FUBP1: variants seen among roughly 807,000 people sequenced by gnomAD.
The protein encoded by FUBP1 is far upstream element-binding protein 1.
In FUBP1, 16 loss-of-function variants were observed where a neutral mutation model predicts 94.9. The observed-to-expected ratio is 0.17, with a 90% CI of 0.11 to 0.26. The LOEUF is 0.26. FUBP1 is among the 10% of genes least tolerant of loss of function. FUBP1 has a pLI of 1.00. For synonymous variants in FUBP1, 279 were observed against 254.9 expected, an observed-to-expected ratio of 1.09 and a Z score of -0.90; for missense variants, 583 against 808.6, an observed-to-expected ratio of 0.72 and a Z score of 3.38.
chr1:77,976,976 C>T (rs1658719158), intron 1 of FUBP1, among the ~76,000 whole-genome samples: 1 of 152,186 alleles, frequency 6.6e-6, no homozygotes, highest in Non-Finnish European at 1.5e-5. Flanking sequence ...TCTTCACTGG[C>T]CAAACTCTCT....
At chr1:77,962,354 C>CT (rs1042551199) in intron 14 of FUBP1, among the ~76,000 whole-genome samples, 3 of 152,104 alleles carry the variant, frequency 2.0e-5, no homozygotes, top group African/African-American at 7.2e-5. Context: ...AGTCCAAAAC[C>CT]TAGGATTTAT....
In FUBP1 at chr1:77,964,244, A is replaced by G; in HGVS notation, c.940+10T>C. 6.4e-7 allele frequency: 1 copy of G among 1,571,830 alleles called. No homozygotes were observed. Among genetic ancestry groups the G allele is most frequent in the Non-Finnish European group, 8.8e-7 (1 of 1,142,070 alleles). On this transcript the variant is annotated intron_variant, in intron 11 of 19. Coordinates refer to ENST00000370768, the MANE Select transcript of FUBP1 (RefSeq NM_003902.5). ...CTGCCAACACTTACAAGATTATTAT[A>G]TGTACTCACCTGGCTTAAACTGAAT... is the stretch of plus-strand genomic sequence containing the variant.
rs1652600396 is a variant in FUBP1, at chr1:77,948,268, G to A, written c.*498C>T. ...CCAATCTACCACTATACTGCAAGGG[G>A]GGAAAAACATGCCAGTGTTTAAAAA... On this transcript the variant is annotated 3_prime_UTR_variant, in exon 20 of 20. Coordinates refer to ENST00000370768, the MANE Select transcript of FUBP1 (RefSeq NM_003902.5). 9.5e-7 allele frequency: 1 copy of A among 1,055,878 alleles called. No individual in the cohort carries two copies. Among genetic ancestry groups the A allele is most frequent in the East Asian group, 5.3e-5 (1 of 18,868 alleles). The allele number at this position is 1,055,878 out of a possible 1,614,324, so 65.4% of individuals were successfully genotyped here.
intron 14 of FUBP1, among the ~76,000 whole-genome samples, chr1:77,962,509 T>C (rs6689438): frequency 0.048 from 7,381 of 152,216 alleles, 399 homozygotes; most frequent in African/African-American, 0.14. Context: ...AACACTAATA[T>C]CATGCCTACA....
intron 1 of FUBP1, among the ~76,000 whole-genome samples, chr1:77,972,883 T>C (rs1400614449): frequency 6.6e-6 from 1 of 150,998 alleles, no homozygotes; most frequent in African/African-American, 2.4e-5. Context: ...TAGAGAAAAG[T>C]GTTTAATAAA....
rs200330246 is a variant in FUBP1, at chr1:77,964,376, G to A, written c.838-20C>T. On this transcript the variant is annotated intron_variant, in intron 10 of 19. Coordinates refer to ENST00000370768, the MANE Select transcript of FUBP1 (RefSeq NM_003902.5). ...GGGGACCTTATGTAAAAAAGACTAAGTATTAAGAAAGCTAGCTTCTCAGGG... is the reference window on the plus strand; with the variant it reads ...GGGGACCTTATGTAAAAAAGACTAAATATTAAGAAAGCTAGCTTCTCAGGG... The A allele has an allele frequency of 7.9e-5, 112 of 1,423,034 alleles. No homozygotes were observed. The highest frequency in any genetic ancestry group is 7.6e-4 in the Admixed American group (44 of 58,026). The allele number at this position is 1,423,034 out of a possible 1,614,324, so 88.2% of individuals were successfully genotyped here.
chr1:77,970,159 T>A, intron 1 of FUBP1, 144 bp from the exon 2 acceptor site: 1 of 448,302 alleles, frequency 2.2e-6, no homozygotes, highest in African/African-American at 2.0e-5. Flanking sequence ...AAATTATAGT[T>A]CAATTTATTG....
intron 4 of FUBP1, 29 bp from the exon 5 acceptor site, chr1:77,967,130 C>A: frequency 7.1e-7 from 1 of 1,405,200 alleles, no homozygotes; most frequent in South Asian, 1.3e-5. Flanking sequence ...CACCATTTTC[C>A]TTCAATGAAA....
chr1:77,968,096 A>G, intron 3 of FUBP1, 69 bp downstream of exon 3: 1 of 1,001,820 alleles, frequency 1.0e-6, no homozygotes, highest in Non-Finnish European at 1.5e-6. Flanking sequence ...GATACCCAAT[A>G]ATATGAACAA....
At chr1:77,949,648 T>C (rs576183712) in intron 18 of FUBP1, among the ~76,000 whole-genome samples, 14 of 152,124 alleles carry the variant, frequency 9.2e-5, no homozygotes, top group Admixed American at 4.6e-4. Context: ...TAGAGCGTCA[T>C]TATTAGTAAA....
chr1:77,970,184 TC>T (rs758931731), intron 1 of FUBP1, among the ~76,000 whole-genome samples, 169 bp from the exon 2 acceptor site: 17 of 152,316 alleles, frequency 1.1e-4, no homozygotes, highest in Non-Finnish European at 2.5e-4. Context: ...CATTAATACT[TC>T]AGGCAGTTAA....
Position 77,965,056 on chromosome 1 carries a change from A to G in FUBP1, c.636+13T>C, listed in dbSNP as rs371481026. The G allele has an allele frequency of 4.2e-5, 67 of 1,609,092 alleles. No individual in the cohort carries two copies. Among genetic ancestry groups the G allele is most frequent in the Non-Finnish European group, 8.5e-6 (10 of 1,176,020 alleles). ...ACAGATCAAAAGTAGCCATTTCACAAAAATAACAATACCTGAAGCTGTTTA... is the reference window on the plus strand; with the variant it reads ...ACAGATCAAAAGTAGCCATTTCACAGAAATAACAATACCTGAAGCTGTTTA... On this transcript the variant is annotated intron_variant, in intron 8 of 19. Transcript: ENST00000370768.
rs1652379935 is a variant in FUBP1 at position 77,947,342 on chromosome 1, A to G, written c.*1424T>C. 1 of 418,824 alleles carries G rather than the reference A, an allele frequency of 2.4e-6. No homozygotes were observed. Among genetic ancestry groups the G allele is most frequent in the Non-Finnish European group, 4.7e-6 (1 of 213,566 alleles). The allele number at this position is 418,824 out of a possible 1,614,324, so 25.9% of individuals were successfully genotyped here. A position where few individuals can be genotyped will look rare whatever the true frequency, so the allele number is the denominator to read the frequency against. On this transcript the variant is annotated 3_prime_UTR_variant, in exon 20 of 20. Coordinates refer to ENST00000370768, the MANE Select transcript of FUBP1 (RefSeq NM_003902.5). ...GGCAGTTATGGTTTTCCAAGATATC[A>G]GCACTGTATTCCAACATAATATTCA... is the stretch of plus-strand genomic sequence containing the variant.
Position 77,978,888 on chromosome 1 carries a change from C to G in FUBP1, c.117G>C (p.Arg39=), listed in dbSNP as rs1659298536. The G allele has an allele frequency of 6.2e-7, 1 of 1,613,654 alleles. No homozygotes were observed. Among genetic ancestry groups the G allele is most frequent in the Non-Finnish European group, 8.5e-7 (1 of 1,179,912 alleles). Residue 39 remains arginine, a synonymous_variant, in exon 1 of 20, where the codon CGG becomes CGC. Coordinates refer to ENST00000370768, the MANE Select transcript of FUBP1 (RefSeq NM_003902.5). The part of the protein sequence containing the change: ...DAFKDALQRA[R]QIAAKIGGDA... ...CCGCCGCGCGGTCCACACTTACCTG[C>G]CGGGCTCTCTGCAGTGCATCTTTGA...
At chr1:77,967,594 G>C (rs984188058) in intron 4 of FUBP1, 33 bp downstream of exon 4, 12 of 1,543,724 alleles carry the variant, frequency 7.8e-6, no homozygotes, top group Non-Finnish European at 9.8e-6. Flanking sequence ...ACCAAAACTT[G>C]CAGAGTACTT....
intron 18 of FUBP1, among the ~76,000 whole-genome samples, chr1:77,950,485 C>G (rs1303795168): frequency 6.6e-6 from 1 of 152,130 alleles, no homozygotes; most frequent in East Asian, 1.9e-4. Flanking sequence ...AGCAAACTGT[C>G]TTGTCTGCAA....
intron 16 of FUBP1, 150 bp downstream of exon 16, chr1:77,960,034 C>A: frequency 1.6e-6 from 1 of 640,584 alleles, no homozygotes; most frequent in East Asian, 2.7e-5. Context: ...CAGTCCTATA[C>A]ACTGGGGTAG....
chr1:77,974,638 T>C (rs1658265928), intron 1 of FUBP1, among the ~76,000 whole-genome samples: 2 of 152,192 alleles, frequency 1.3e-5, no homozygotes, highest in African/African-American at 4.8e-5. Flanking sequence ...ATGCCCAGTC[T>C]TGCACTAATT....
Position 77,948,343 on chromosome 1 carries a change from T to A in FUBP1, c.*423A>T. The A allele has an allele frequency of 9.5e-7, 1 of 1,055,578 alleles. No homozygotes were observed. Among genetic ancestry groups the A allele is most frequent in the African/African-American group, 1.6e-5 (1 of 60,992 alleles). The allele number at this position is 1,055,578 out of a possible 1,614,324, so 65.4% of individuals were successfully genotyped here. On this transcript the variant is annotated 3_prime_UTR_variant, in exon 20 of 20. Coordinates refer to ENST00000370768, the MANE Select transcript of FUBP1 (RefSeq NM_003902.5). ...ATATATTTGTGTATATGTATCTTAA[T>A]TTATCATTGCTAAGAAATTATGAAT...
Sources: allele counts gnomAD v4.1 joint callset (sites outside exome capture counted in the v4.1 genomes callset), GRCh38; gene constraint gnomAD v4.1.1; transcripts MANE v1.5; gene names NCBI Gene and HGNC (gene_info 2026-07-23, HGNC 2026-07-21).